CCDC7: variants seen among roughly 807,000 people sequenced by gnomAD.
CCDC7 encodes the protein coiled-coil domain containing 7, also known as coiled-coil domain-containing protein 7.
CCDC7 carries 183 observed loss-of-function variants against 196.9 expected under a neutral mutation model. The ratio of observed to expected loss-of-function variants is 0.93; its 90% CI spans 0.82 to 1.05. The LOEUF is 1.05. Among genes scored for constraint, CCDC7 ranks in the 50% least tolerant of loss-of-function variants. The pLI, the probability that CCDC7 is intolerant of heterozygous loss-of-function variation, is 0.00. For synonymous variants in CCDC7, 525 were observed against 484.6 expected (o/e 1.08, Z -1.10); for missense variants, 1,540 against 1,482.2 (o/e 1.04, Z -0.64).
intron 18 of CCDC7, among the ~76,000 whole-genome samples, chr10:32,622,387 C>T (rs1219611126): frequency 6.6e-6 from 1 of 151,862 alleles, no homozygotes; most frequent in East Asian, 1.9e-4. Flanking sequence ...CTAACCCCAT[C>T]CCACCTAACT....
chr10:32,659,553 G>T (rs936923228), intron 20 of CCDC7, among the ~76,000 whole-genome samples: 1 of 152,068 alleles, frequency 6.6e-6, no homozygotes, highest in African/African-American at 2.4e-5. Flanking sequence ...TTGTTTCATG[G>T]TCCATATGAA....
At chr10:32,762,327 A>T (rs766569174) in intron 28 of CCDC7, among the ~76,000 whole-genome samples, 22 of 151,704 alleles carry the variant, frequency 1.5e-4, no homozygotes, top group Non-Finnish European at 3.1e-4. Flanking sequence ...GGTCCCCAGA[A>T]TCTAGTTTAT....
chr10:32,513,792 T>G (rs1175681462), intron 9 of CCDC7: 1 of 152,152 alleles, frequency 6.6e-6, no homozygotes, highest in Admixed American at 6.5e-5. Flanking sequence ...TTGACAAAAT[T>G]CAACATCTTT....
chr10:32,559,682 C>G (rs200773613), intron 13 of CCDC7, among the ~76,000 whole-genome samples: 8 of 151,104 alleles, frequency 5.3e-5, no homozygotes, highest in East Asian at 1.9e-4. Flanking sequence ...ATGTCACCAT[C>G]ATCAAAGACC....
intron 11 of CCDC7, among the ~76,000 whole-genome samples, chr10:32,523,865 C>T (rs2048253728): frequency 6.6e-6 from 1 of 150,620 alleles, no homozygotes; most frequent in Non-Finnish European, 1.5e-5. Context: ...GTCTATGTGT[C>T]TCTTTATAGG....
chr10:32,744,369 T>G (rs532407062), intron 28 of CCDC7, among the ~76,000 whole-genome samples: 19 of 146,860 alleles, frequency 1.3e-4, no homozygotes, highest in African/African-American at 4.5e-4. Flanking sequence ...ATTTTCCTGC[T>G]GGTGAAAAAA....
intron 41 of CCDC7, among the ~76,000 whole-genome samples, chr10:32,859,260 A>G (rs914845333): frequency 6.6e-6 from 1 of 152,198 alleles, no homozygotes; most frequent in South Asian, 2.1e-4. Flanking sequence ...CAGGATTAAG[A>G]AACTCACTCA....
At chr10:32,841,282 G>A (rs149199775) in intron 33 of CCDC7, among the ~76,000 whole-genome samples, 4 of 151,964 alleles carry the variant, frequency 2.6e-5, no homozygotes, top group Non-Finnish European at 4.4e-5. Flanking sequence ...CCCAGAACTC[G>A]TAAATGAATT....
chr10:32,784,675 G>A lies in CCDC7; in HGVS notation c.3013+5591G>A, dbSNP rs191495858. 8.1e-3 allele frequency among the ~76,000 whole-genome samples: 1,234 copies of A among 151,864 alleles called. 15 individuals carry two copies. Among genetic ancestry groups the A allele is most frequent in the African/African-American group, 0.025 (1,021 of 41,468 alleles). On this transcript the variant is annotated intron_variant, in intron 29 of 41. Transcript: ENST00000639629. ...CAACCTTCGCCTCCCGGATTCAAGC[G>A]ATTCTCCTGCCTCAGCCTCCAGAGT...
chr10:32,709,919 C>G (rs562599754), intron 24 of CCDC7, among the ~76,000 whole-genome samples: 29 of 151,926 alleles, frequency 1.9e-4, no homozygotes, highest in Middle Eastern at 3.4e-3. Flanking sequence ...AAGCAAGAGA[C>G]CAAGGGATCA....
chr10:32,484,224 T>G (rs901977365), intron 8 of CCDC7, among the ~76,000 whole-genome samples: 1 of 152,112 alleles, frequency 6.6e-6, no homozygotes, highest in African/African-American at 2.4e-5. Context: ...GCCCTGTAAG[T>G]TGTATTGCTA....
intron 24 of CCDC7, among the ~76,000 whole-genome samples, chr10:32,701,102 A>C (rs1234687000): frequency 1.3e-5 from 2 of 152,132 alleles, no homozygotes; most frequent in Non-Finnish European, 2.9e-5. Context: ...GTTGGATAGG[A>C]GTGGTAAGAG....
At chr10:32,516,006 A>G (rs1270995413) in intron 9 of CCDC7, among the ~76,000 whole-genome samples, 2 of 152,174 alleles carry the variant, frequency 1.3e-5, no homozygotes, top group Non-Finnish European at 2.9e-5. Context: ...AACAAAAGAA[A>G]AAGTTAGATC....
At chr10:32,594,768 G>A (rs910394554) in intron 18 of CCDC7, among the ~76,000 whole-genome samples, 1 of 152,146 alleles carries the variant, frequency 6.6e-6, no homozygotes, top group African/African-American at 2.4e-5. Flanking sequence ...AAGCGCTGTT[G>A]AATTTTGTCA....
intron 28 of CCDC7, among the ~76,000 whole-genome samples, chr10:32,763,437 A>G (rs893303159): frequency 6.6e-5 from 10 of 152,060 alleles, no homozygotes; most frequent in African/African-American, 2.2e-4. Context: ...TCTTTAAAAA[A>G]TTAAAAATAG....
intron 18 of CCDC7, among the ~76,000 whole-genome samples, chr10:32,587,623 G>A (rs920588627): frequency 9.9e-5 from 15 of 152,170 alleles, no homozygotes; most frequent in Admixed American, 8.5e-4. Context: ...TGTATTCTGT[G>A]ACTGCTGAAT....
At chr10:32,868,742 T>C (rs2094308078) in intron 41 of CCDC7, among the ~76,000 whole-genome samples, 1 of 103,832 alleles carries the variant, frequency 9.6e-6, no homozygotes, top group African/African-American at 3.8e-5. Flanking sequence ...CAAAAGGCCC[T>C]GGCGTGTGAT....
Position 32,543,325 on chromosome 10 carries a change from CAAAG to C in CCDC7, c.1024_1027del (p.Lys342LeufsTer2), listed in dbSNP as rs1589705326. 1 of 1,455,606 alleles carries C rather than the reference CAAAG, an allele frequency of 6.9e-7. No homozygotes were observed. The highest frequency in any genetic ancestry group is 1.4e-5 in the African/African-American group (1 of 69,062). The allele number at this position is 1,455,606 out of a possible 1,614,324, so 90.2% of individuals were successfully genotyped here. On this transcript the variant is annotated frameshift_variant, in exon 12 of 42. Transcript: ENST00000639629. LOFTEE classifies it high-confidence loss of function. ...AAAACTAAGCCTACAAATAATCGAA[CAAAG>C]AAAGCTGTGAAAACAGTGAAGAAAA...
At chr10:32,709,944 G>A (rs1402235813) in intron 24 of CCDC7, among the ~76,000 whole-genome samples, 1 of 152,134 alleles carries the variant, frequency 6.6e-6, no homozygotes, top group Admixed American at 6.5e-5. Flanking sequence ...TATGGTTTGT[G>A]GGTCTGTATA....
Sources: gnomAD v4.1 joint callset for allele counts (sites outside exome capture counted in the v4.1 genomes callset) on GRCh38, gnomAD v4.1.1 for gene constraint, MANE v1.5 for transcripts, NCBI Gene and HGNC (gene_info 2026-07-23, HGNC 2026-07-21) for gene names.